POSTN: variants seen among roughly 807,000 people sequenced by gnomAD.
POSTN encodes the protein periostin, also known as osteoblast specific factor 2 (fasciclin I-like).
A neutral mutation model predicts 104.5 loss-of-function variants in POSTN; 71 were observed. The observed-to-expected ratio is 0.68, with a 90% CI of 0.56 to 0.83. The LOEUF is 0.83. Among genes scored for constraint, POSTN ranks in the 40% least tolerant of loss-of-function variants. The pLI, the probability that POSTN is intolerant of heterozygous loss-of-function variation, is 0.00. For missense variants in POSTN, 949 were observed against 1,006.8 expected (o/e 0.94, Z 0.78); for synonymous variants, 355 against 340.7 (o/e 1.04, Z -0.46).
rs142298945 is a variant in POSTN, at chr13:37,584,382, T to C, written c.1109-279A>G. On this transcript the variant is annotated intron_variant, in intron 8 of 22. Transcript: ENST00000379747. ...TGTTCATCTCTCATCTTTCTCTCTA[T>C]ACTGTGAGTTCCATAGCTTTTCCAT... Among the ~76,000 whole-genome samples the C allele has an allele frequency of 3.5e-3, 530 of 152,320 alleles. 2 individuals are homozygous for C. Among genetic ancestry groups the C allele is most frequent in the African/African-American group, 0.012 (500 of 41,586 alleles).
chr13:37,595,945 C>T (rs534918524), intron 2 of POSTN, among the ~76,000 whole-genome samples: 1 of 151,326 alleles, frequency 6.6e-6, no homozygotes, highest in Non-Finnish European at 1.5e-5. Context: ...CAAATAGGTG[C>T]CTGCCACCAC....
At chr13:37,591,394 AAT>A (rs1950930526) in intron 3 of POSTN, among the ~76,000 whole-genome samples, 2 of 152,182 alleles carry the variant, frequency 1.3e-5, no homozygotes, top group Admixed American at 6.5e-5. Context: ...GGTGTCCCCA[AAT>A]CAGGTACTTA....
At chr13:37,580,817 G>T in intron 10 of POSTN, 120 bp from the exon 11 acceptor site, 2 of 1,202,152 alleles carry the variant, frequency 1.7e-6, no homozygotes, top group South Asian at 1.4e-5. Context: ...GGTGTCTGAG[G>T]CCACGGGAAC....
chr13:37,574,958 T>C (rs1286104252), intron 16 of POSTN, among the ~76,000 whole-genome samples: 1 of 152,040 alleles, frequency 6.6e-6, no homozygotes, highest in Non-Finnish European at 1.5e-5. Context: ...TTACCTTCTT[T>C]TGTACTTCTT....
chr13:37,587,490 G>C (rs1006077543), intron 5 of POSTN, among the ~76,000 whole-genome samples: 10 of 152,256 alleles, frequency 6.6e-5, no homozygotes, highest in African/African-American at 2.4e-4. Context: ...AGTAGCTAGA[G>C]GGGGAGTAAA....
chr13:37,592,687 C>T (rs111334067), intron 2 of POSTN, among the ~76,000 whole-genome samples: 275 of 152,266 alleles, frequency 1.8e-3, no homozygotes, highest in African/African-American at 6.3e-3. Flanking sequence ...AGAAGAACGA[C>T]ATTTGGGTCC....
intron 16 of POSTN, among the ~76,000 whole-genome samples, chr13:37,577,402 G>C (rs1950440247): frequency 6.6e-6 from 1 of 152,144 alleles, no homozygotes; most frequent in Non-Finnish European, 1.5e-5. Flanking sequence ...TCTTGGCTAA[G>C]GTCATTTCTG....
At chr13:37,570,479 T>C in intron 19 of POSTN, 101 bp downstream of exon 19, 1 of 777,736 alleles carries the variant, frequency 1.3e-6, no homozygotes, top group South Asian at 1.8e-5. Context: ...GTAATCACTA[T>C]GAAAATGACT....
In POSTN at chr13:37,586,195, T is replaced by C; in HGVS notation, c.839A>G (p.Glu280Gly). 1.2e-6 allele frequency: 2 copies of C among 1,613,894 alleles called. No individual in the cohort carries two copies. Among genetic ancestry groups the C allele is most frequent in the South Asian group, 2.2e-5 (2 of 91,062 alleles). ...TLFAPTNEAF[E>G]KLPRGVLERI... Reference sequence around the variant, plus strand: ...TTCTAGGACACCTCGTGGAAGTTTCTCAAAAGCCTCATTGGTGGGAGCAAA... The same window carrying C: ...TTCTAGGACACCTCGTGGAAGTTTCCCAAAAGCCTCATTGGTGGGAGCAAA... The change falls in exon 7 of 23, where the codon GAG becomes GGG. Residue 280 changes from glutamate to glycine, a missense_variant. Glu to Gly is a moderately conservative substitution (Grantham distance 98). Transcript: ENST00000379747.
chr13:37,580,121 T>C, intron 11 of POSTN, 130 bp from the exon 12 acceptor site: 2 of 849,838 alleles, frequency 2.4e-6, no homozygotes, highest in Admixed American at 2.8e-5. Flanking sequence ...TTTTCATATG[T>C]TTCGAATACA....
chr13:37,565,185 A>G (rs1950057371), intron 21 of POSTN: 1 of 152,038 alleles, frequency 6.6e-6, no homozygotes, highest in Non-Finnish European at 1.5e-5. Flanking sequence ...ATTAACTAAT[A>G]AAAGCTTTTA....
At chr13:37,571,008 G>T in intron 18 of POSTN, 1 of 286,132 alleles carries the variant, frequency 3.5e-6, no homozygotes, top group East Asian at 6.9e-5. Flanking sequence ...TAGTGGAGTG[G>T]CTTATTAGAC....
At chr13:37,577,095 G>C (rs979407494) in intron 16 of POSTN, among the ~76,000 whole-genome samples, 2 of 152,054 alleles carry the variant, frequency 1.3e-5, no homozygotes, top group Non-Finnish European at 2.9e-5. Flanking sequence ...AAGATAAACA[G>C]AGAAAAAGCC....
rs755399794 is a variant in POSTN, at chr13:37,586,162, A to C, written c.872T>G (p.Met291Arg). ...ACCTTCGGAAGCCACTTTGTCTCCC[A>C]TGATCCTTTCTAGGACACCTCGTGG... ...KLPRGVLERI[M>R]GDKVASEALM... The change falls in exon 7 of 23, where the codon ATG becomes AGG. Residue 291 changes from methionine (M) to arginine (R), a missense_variant. Transcript: ENST00000379747. 3.1e-6 allele frequency: 5 copies of C among 1,612,938 alleles called. No homozygotes were observed. The African/African-American group carries it at 4.0e-5, about 13-fold the overall frequency.
Position 37,584,731 on chromosome 13 carries a change from G to A in POSTN, c.1093C>T (p.Leu365=), listed in dbSNP as rs763640079. ...NGVIHLIDQV[L]IPDSAKQVIE... is the part of the protein sequence containing the mutation. ...AGTTGCTTACCAGAATCAGGAATTA[G>A]GACCTGATCAATCAAATGGATCACA... Residue 365 remains leucine (L), a synonymous_variant, in exon 8 of 23, where the codon CTA becomes TTA. Transcript: ENST00000379747. 2 of 1,613,150 alleles carry A rather than the reference G, an allele frequency of 1.2e-6. No individual in the cohort carries two copies. Among genetic ancestry groups the A allele is most frequent in the East Asian group, 4.5e-5 (2 of 44,852 alleles).
intron 15 of POSTN, 144 bp from the exon 16 acceptor site, chr13:37,577,942 T>G: frequency 7.1e-7 from 1 of 1,408,780 alleles, no homozygotes; most frequent in Non-Finnish European, 9.3e-7. Flanking sequence ...ATAAATCATC[T>G]TCCAATTCAA....
intron 17 of POSTN, 94 bp downstream of exon 17, chr13:37,574,478 T>A (rs879794876): frequency 2.1e-6 from 3 of 1,424,780 alleles, no homozygotes; most frequent in Non-Finnish European, 2.8e-6. Context: ...TTTAACATGT[T>A]AGTTTTTAAA....
At chr13:37,570,173 T>A (rs988309551) in intron 19 of POSTN, among the ~76,000 whole-genome samples, 1 of 151,862 alleles carries the variant, frequency 6.6e-6, no homozygotes, top group Non-Finnish European at 1.5e-5. Flanking sequence ...CTGAAAATAT[T>A]GATCAATTGC....
intron 5 of POSTN, 37 bp from the exon 6 acceptor site, chr13:37,586,965 G>A (rs751916194): frequency 2.4e-5 from 39 of 1,602,214 alleles, no homozygotes; most frequent in Middle Eastern, 1.7e-4. Flanking sequence ...GCTGAAACCA[G>A]AGATACCCAT....
Sources: gnomAD v4.1 joint callset for allele counts (sites outside exome capture counted in the v4.1 genomes callset) on GRCh38, gnomAD v4.1.1 for gene constraint, MANE v1.5 for transcripts, NCBI Gene and HGNC (gene_info 2026-07-23, HGNC 2026-07-21) for gene names.